Variants in UBXN2A observed in about 807,000 individuals in gnomAD.
UBXN2A encodes UBX domain protein 2A, also known as UBX domain-containing protein 2A.
UBXN2A carries 28 observed loss-of-function variants against 28.4 expected under a neutral mutation model. The ratio of observed to expected loss-of-function variants is 0.99; its 90% CI spans 0.73 to 1.35. The LOEUF is 1.35. Ranked by LOEUF, UBXN2A falls within the 40% of genes most tolerant of loss-of-function variation. The probability of loss-of-function intolerance (pLI) is 0.00; values close to 1 mark genes in which losing one functional copy is unlikely to be tolerated. For synonymous variants in UBXN2A, 97 were observed against 103.6 expected (o/e 0.94, Z 0.39); for missense variants, 253 against 297.9 (o/e 0.85, Z 1.11).
chr2:23,965,433 G>A (rs1452852976), intron 2 of UBXN2A, among the ~76,000 whole-genome samples: 1 of 152,148 alleles, frequency 6.6e-6, no homozygotes, highest in African/African-American at 2.4e-5. Context: ...ATGGTTGTTA[G>A]ATATTGTCTA....
At chr2:23,949,680 G>T (rs1041238910) in intron 1 of UBXN2A, among the ~76,000 whole-genome samples, 1 of 151,790 alleles carries the variant, frequency 6.6e-6, no homozygotes, top group Non-Finnish European at 1.5e-5. Context: ...TTTGAGACCA[G>T]CCTGGCCAAT....
chr2:23,962,605 C>CTTTTTTTTTTTTTTT (rs1160440950), intron 2 of UBXN2A, among the ~76,000 whole-genome samples: 5 of 130,672 alleles, frequency 3.8e-5, no homozygotes, highest in Middle Eastern at 4.3e-3. Context: ...TTTTTTTATT[C>CTTTTTTTTTTTTTTT]TTTTTTTTTT....
chr2:23,960,272 A>G (rs1009579117), intron 2 of UBXN2A, among the ~76,000 whole-genome samples: 1 of 151,786 alleles, frequency 6.6e-6, no homozygotes, highest in African/African-American at 2.4e-5. Flanking sequence ...AAACAAAAAA[A>G]CAGAAATCCA....
At chr2:23,929,350 C>G (rs1223020730) in intron 1 of UBXN2A, among the ~76,000 whole-genome samples, 1 of 151,370 alleles carries the variant, frequency 6.6e-6, no homozygotes, top group South Asian at 2.1e-4. Flanking sequence ...TGCAGTGAGC[C>G]AAGTTCATGC....
chr2:23,975,691 T>C (rs1707628409), intron 3 of UBXN2A, among the ~76,000 whole-genome samples: 1 of 148,452 alleles, frequency 6.7e-6, no homozygotes, highest in African/African-American at 2.6e-5. Flanking sequence ...CAGGCTGGAG[T>C]GCAGTGGTGC....
intron 1 of UBXN2A, among the ~76,000 whole-genome samples, chr2:23,930,725 A>G (rs1705341766): frequency 6.6e-6 from 1 of 152,138 alleles, no homozygotes; most frequent in South Asian, 2.1e-4. Context: ...TTTAAAAAAG[A>G]GAAAGAAAAA....
At chr2:23,976,056 G>T (rs1016590774) in intron 3 of UBXN2A, among the ~76,000 whole-genome samples, 1 of 152,090 alleles carries the variant, frequency 6.6e-6, no homozygotes, top group Admixed American at 6.6e-5. Flanking sequence ...TATTCACTTC[G>T]TATTATACAT....
At chr2:23,938,237 G>A (rs1285788581), upstream of UBXN2A, among the ~76,000 whole-genome samples, 2 of 152,098 alleles carry the variant, frequency 1.3e-5, no homozygotes, top group Non-Finnish European at 2.9e-5. Context: ...AGGCCGAGGC[G>A]GGTGGATCAT....
At chr2:23,988,744 AGATTGATT>A (rs3030907) in intron 6 of UBXN2A, among the ~76,000 whole-genome samples, 1 of 152,224 alleles carries the variant, frequency 6.6e-6, no homozygotes, top group African/African-American at 2.4e-5. Context: ...ACAAGACCTC[AGATTGATT>A]GATTGATTGA....
intron 2 of UBXN2A, among the ~76,000 whole-genome samples, chr2:23,964,095 G>A (rs1364626612): frequency 1.3e-5 from 2 of 150,250 alleles, no homozygotes; most frequent in Non-Finnish European, 2.9e-5. Context: ...TCGTGTCACT[G>A]CGCTTCTCCA....
chr2:23,959,739 TC>T (rs1425795814), intron 2 of UBXN2A, among the ~76,000 whole-genome samples: 4 of 152,018 alleles, frequency 2.6e-5, no homozygotes, highest in African/African-American at 4.8e-5. Flanking sequence ...TGTACTTAAT[TC>T]CCCCAGTAAC....
At chr2:23,963,292 G>A (rs563863206) in intron 2 of UBXN2A, among the ~76,000 whole-genome samples, 22 of 151,814 alleles carry the variant, frequency 1.4e-4, no homozygotes, top group East Asian at 3.9e-4. Flanking sequence ...TGAGGCGGGC[G>A]GATCACGAGG....
chr2:23,982,316 G>C (rs1018758692), intron 4 of UBXN2A, among the ~76,000 whole-genome samples: 1 of 151,610 alleles, frequency 6.6e-6, no homozygotes, highest in Non-Finnish European at 1.5e-5. Context: ...GCAGTGGGCC[G>C]AGATCGTGCC....
At chr2:23,941,051 A>C (rs1156249733) in intron 1 of UBXN2A, among the ~76,000 whole-genome samples, 2 of 151,140 alleles carry the variant, frequency 1.3e-5, no homozygotes, top group Non-Finnish European at 2.9e-5. Flanking sequence ...ACTTCACCCG[A>C]CTCCCACCAC....
At chr2:23,944,462 C>G (rs1259310013) in intron 1 of UBXN2A, 1 of 728,152 alleles carries the variant, frequency 1.4e-6, no homozygotes, top group African/African-American at 1.7e-5. Context: ...TGTTTAGATT[C>G]TTTTGCGCTT....
At chr2:23,935,711 GT>G (rs1221061404), upstream of UBXN2A, among the ~76,000 whole-genome samples, 4 of 152,138 alleles carry the variant, frequency 2.6e-5, no homozygotes, top group Admixed American at 1.3e-4. Flanking sequence ...TCCTTGAAAA[GT>G]TAAACACAGA....
chr2:23,947,508 A>C (rs915470682), intron 1 of UBXN2A, among the ~76,000 whole-genome samples: 6 of 152,186 alleles, frequency 3.9e-5, no homozygotes, highest in African/African-American at 1.4e-4. Flanking sequence ...GCAGTATAGT[A>C]CATGACTTAG....
In UBXN2A at chr2:24,004,754, T is replaced by C. The variant is rs1708769276; in HGVS notation, c.*4887T>C. The C allele has an allele frequency of 6.6e-6, 1 of 150,806 alleles. No homozygotes were observed. The highest frequency in any genetic ancestry group is 2.1e-4 in the South Asian group (1 of 4,718). The allele number at this position is 150,806 out of a possible 1,614,324, so 9.3% of individuals were successfully genotyped here. Reference sequence around the variant, plus strand: ...CAGTTTAAAAAATAATCTTATTTTATATACTTCTCTCGGTATAATTTTTCA... The same window carrying C: ...CAGTTTAAAAAATAATCTTATTTTACATACTTCTCTCGGTATAATTTTTCA... On this transcript the variant is annotated 3_prime_UTR_variant, in exon 7 of 7. Coordinates refer to ENST00000309033, the MANE Select transcript of UBXN2A (RefSeq NM_181713.4).
At chr2:23,934,263 T>C (rs966191445) in intron 1 of UBXN2A, among the ~76,000 whole-genome samples, 3 of 152,222 alleles carry the variant, frequency 2.0e-5, no homozygotes, top group African/African-American at 4.8e-5. Context: ...TCCAATGTGA[T>C]TACTAGCCAC....
Sources: allele counts gnomAD v4.1 joint callset (sites outside exome capture counted in the v4.1 genomes callset), GRCh38; gene constraint gnomAD v4.1.1; transcripts MANE v1.5; gene names NCBI Gene and HGNC (gene_info 2026-07-23, HGNC 2026-07-21).